SLC8A1: variants seen among roughly 807,000 people sequenced by gnomAD.
The protein encoded by SLC8A1 is sodium/calcium exchanger 1.
A neutral mutation model predicts 68.3 loss-of-function variants in SLC8A1; 18 were observed. That is an observed-to-expected ratio of 0.26 (90% CI 0.18 to 0.39). The LOEUF (loss-of-function observed/expected upper bound fraction) is 0.39, where lower values mean the gene tolerates loss of function less well. Ranked by LOEUF, SLC8A1 falls within the 10% of genes least tolerant of loss-of-function variation. SLC8A1 has a pLI of 1.00. For missense variants in SLC8A1, 985 were observed against 1,156.7 expected (o/e 0.85, Z 2.15); for synonymous variants, 475 against 415.5 (o/e 1.14, Z -1.74).
chr2:40,401,247 A>T (rs1467555359), intron 2 of SLC8A1, among the ~76,000 whole-genome samples: 6 of 152,164 alleles, frequency 3.9e-5, no homozygotes, highest in Non-Finnish European at 8.8e-5. Context: ...TCAGAACCCT[A>T]CACTTCGGAG....
At chr2:40,339,096 C>G (rs1338411057) in intron 2 of SLC8A1, among the ~76,000 whole-genome samples, 1 of 152,050 alleles carries the variant, frequency 6.6e-6, no homozygotes, top group Non-Finnish European at 1.5e-5. Flanking sequence ...TTTCAAGAAC[C>G]AAGATGATTG....
At chr2:40,227,691 C>G (rs558871659) in intron 2 of SLC8A1, among the ~76,000 whole-genome samples, 43 of 151,978 alleles carry the variant, frequency 2.8e-4, no homozygotes, top group African/African-American at 9.9e-4. Context: ...GCATTTGTAC[C>G]CCTAAACTTA....
intron 6 of SLC8A1, among the ~76,000 whole-genome samples, chr2:40,145,922 T>C (rs1355116617): frequency 6.6e-6 from 1 of 152,182 alleles, no homozygotes; most frequent in African/African-American, 2.4e-5. Flanking sequence ...CCTCTGCCAC[T>C]AAATTCAGTA....
chr2:40,454,297 G>C (rs1035327090), upstream of SLC8A1, among the ~76,000 whole-genome samples: 6 of 152,124 alleles, frequency 3.9e-5, no homozygotes, highest in Admixed American at 6.5e-5. Flanking sequence ...ATGAAAATGT[G>C]AGTGGGCCAT....
At chr2:40,187,280 T>G (rs1270151503) in intron 2 of SLC8A1, among the ~76,000 whole-genome samples, 5 of 152,208 alleles carry the variant, frequency 3.3e-5, no homozygotes, top group Admixed American at 1.3e-4. Flanking sequence ...GCTCCTGCTA[T>G]GAAGCCTAGC....
chr2:40,156,510 G>T (rs1361780710), intron 6 of SLC8A1, among the ~76,000 whole-genome samples: 22 of 148,622 alleles, frequency 1.5e-4, no homozygotes, highest in Non-Finnish European at 1.2e-4. Flanking sequence ...AAAAGAAAGA[G>T]GGAGGAGTGT....
intron 2 of SLC8A1, among the ~76,000 whole-genome samples, chr2:40,424,777 T>C (rs781013254): frequency 1.3e-5 from 2 of 151,892 alleles, no homozygotes; most frequent in African/African-American, 4.8e-5. Context: ...TAAACGCTCA[T>C]AATCTTTTAA....
At chr2:40,112,494 G>C (rs779975368) in exon 8 of SLC8A1, 1 of 152,442 alleles carries the variant, frequency 6.6e-6, no homozygotes, top group Admixed American at 6.6e-5. Flanking sequence ...ATCGACCAAT[G>C]CAAGAATTTC....
intron 2 of SLC8A1, among the ~76,000 whole-genome samples, chr2:40,391,988 C>A (rs141679120): frequency 6.6e-6 from 1 of 151,892 alleles, no homozygotes; most frequent in African/African-American, 2.4e-5. Context: ...TCTTCTCATT[C>A]AGTCCTTAAG....
intron 2 of SLC8A1, among the ~76,000 whole-genome samples, chr2:40,271,496 C>T (rs1012971641): frequency 6.6e-6 from 1 of 152,180 alleles, no homozygotes; most frequent in African/African-American, 2.4e-5. Context: ...TCACTCTCTA[C>T]CCCCTCACTG....
Position 40,316,426 on chromosome 2 carries a change from C to T in SLC8A1, c.1808+112047G>A, listed in dbSNP as rs530695503. Among the ~76,000 whole-genome samples, 10 of 151,958 alleles carry T rather than the reference C, an allele frequency of 6.6e-5. No individual in the cohort carries two copies. The Middle Eastern group carries it at 0.017, about 258-fold the overall frequency. ...GAGGATTTTTTCCTATTAATTTGAACGTCGTATAGGAACACAAAATTTGGT... is the reference window on the plus strand; with the variant it reads ...GAGGATTTTTTCCTATTAATTTGAATGTCGTATAGGAACACAAAATTTGGT... On this transcript the variant is annotated intron_variant, in intron 2 of 7. Transcript: ENST00000406785.
chr2:40,389,206 C>G (rs80108449), intron 2 of SLC8A1, among the ~76,000 whole-genome samples: 1 of 151,920 alleles, frequency 6.6e-6, no homozygotes, highest in Non-Finnish European at 1.5e-5. Flanking sequence ...AGAGGCTATA[C>G]GGACAATTTG....
At chr2:40,429,024 C>T (rs1340558629) in exon 2 of SLC8A1, 1 of 1,613,422 alleles carries the variant, frequency 6.2e-7, no homozygotes, top group Non-Finnish European at 8.5e-7. Context: ...CACAGTTCTC[C>T]AGACACTGAT....
At chr2:40,465,940 T>G (rs1005285043) in intron 1 of SLC8A1, among the ~76,000 whole-genome samples, 2 of 152,156 alleles carry the variant, frequency 1.3e-5, no homozygotes, top group African/African-American at 2.4e-5. Flanking sequence ...TCTGCCCTTC[T>G]GCCATGTGAG....
At chr2:40,211,861 G>T (rs1392540062) in intron 2 of SLC8A1, among the ~76,000 whole-genome samples, 1 of 152,142 alleles carries the variant, frequency 6.6e-6, no homozygotes. Flanking sequence ...TTTTTCTGAA[G>T]ATGTGAACAG....
intron 2 of SLC8A1, among the ~76,000 whole-genome samples, chr2:40,314,570 T>A (rs991127467): frequency 6.6e-6 from 1 of 152,028 alleles, no homozygotes; most frequent in Non-Finnish European, 1.5e-5. Context: ...TGGAATTACA[T>A]TGAATCTCTA....
rs992481889 is a variant in SLC8A1, at chr2:40,387,379, G to A, written c.1808+41094C>T. On this transcript the variant is annotated intron_variant, in intron 2 of 7. Transcript: ENST00000406785. ...ATATATTCTATTCACACAGGGGTAG[G>A]ATGGGAAGATACAAGCTTTTAATGA... Among the ~76,000 whole-genome samples, 12 of 151,390 alleles carry A rather than the reference G, an allele frequency of 7.9e-5. 2 individuals carry two copies. The highest frequency in any genetic ancestry group is 2.9e-4 in the African/African-American group (12 of 40,742).
chr2:40,431,178 G>A (rs544988050), intron 1 of SLC8A1, among the ~76,000 whole-genome samples: 1 of 151,844 alleles, frequency 6.6e-6, no homozygotes, highest in Non-Finnish European at 1.5e-5. Context: ...GAGATAAACA[G>A]GCCAAGGCCT....
At chr2:40,494,705 G>A (rs1705577488) in intron 1 of SLC8A1, among the ~76,000 whole-genome samples, 2 of 126,786 alleles carry the variant, frequency 1.6e-5, no homozygotes, top group Admixed American at 8.3e-5. Flanking sequence ...GCTAGATATT[G>A]TTTTGTTCCA....
Sources: gnomAD v4.1 joint callset for allele counts (sites outside exome capture counted in the v4.1 genomes callset) on GRCh38, gnomAD v4.1.1 for gene constraint, MANE v1.5 for transcripts, NCBI Gene and HGNC (gene_info 2026-07-23, HGNC 2026-07-21) for gene names.